The following LMF1 variants were observed in gnomAD, a reference collection of about 807,000 sequenced individuals.
LMF1 encodes the protein transmembrane protein 112.
LMF1 carries 68 observed loss-of-function variants against 60.6 expected under a neutral mutation model. That is an observed-to-expected ratio of 1.12 (90% CI 0.92 to 1.37). The LOEUF is 1.37. Ranked by LOEUF, LMF1 falls within the 40% of genes most tolerant of loss-of-function variation. The pLI, the probability that LMF1 is intolerant of heterozygous loss-of-function variation, is 0.00. For missense variants in LMF1, 948 were observed against 767.2 expected (o/e 1.24, Z -2.78); for synonymous variants, 418 against 324.7 (o/e 1.29, Z -3.09).
chr16:954,129 A>T (rs1392494751), intron 2 of LMF1: 1 of 664,152 alleles, frequency 1.5e-6, no homozygotes, highest in African/African-American at 1.8e-5. Flanking sequence ...CAGTCCTTTA[A>T]GTAAGGAAGA....
At chr16:940,813 G>A (rs1013831942) in intron 2 of LMF1, among the ~76,000 whole-genome samples, 2 of 152,168 alleles carry the variant, frequency 1.3e-5, no homozygotes, top group Non-Finnish European at 2.9e-5. Context: ...TGTCAAAGTG[G>A]CCGATAGTGC....
rs999499680 is a variant in LMF1 at position 962,415 on chromosome 16, A to G, written c.194-7749T>C. Among the ~76,000 whole-genome samples, 2 of 152,196 alleles carry G rather than the reference A, an allele frequency of 1.3e-5. No homozygotes were observed. The highest frequency in any genetic ancestry group is 2.4e-5 in the African/African-American group (1 of 41,424). On this transcript the variant is annotated intron_variant, in intron 1 of 10. Transcript: ENST00000262301. The surrounding 1 kb of genome is among the most constrained non-coding windows in gnomAD (Gnocchi z 4.5). ...CCTTCAGGAGGCGGGGGCTGGACCC[A>G]GTGAGCGGCTTCCAGAGGACAGAGC...
chr16:902,962 G>A lies in LMF1; in HGVS notation c.663+7969C>T, dbSNP rs570323799. ...TGTGGTGGTGACCTCTGCACTGCCC[G>A]TGGGGACGCCTGTCTCTGCTGCGTG... On this transcript the variant is annotated intron_variant, in intron 4 of 10. Transcript: ENST00000262301. Among the ~76,000 whole-genome samples the A allele has an allele frequency of 2.2e-4, 15 of 68,404 alleles. No individual in the cohort carries two copies. In the East Asian group the frequency reaches 2.9e-3, roughly 13 times the overall value. The allele number at this position is 68,404 out of a possible 152,430, so 44.9% of individuals were successfully genotyped here.
intron 10 of LMF1, among the ~76,000 whole-genome samples, chr16:863,389 G>A (rs578191593): frequency 3.9e-5 from 6 of 152,240 alleles, no homozygotes; most frequent in African/African-American, 1.4e-4. Context: ...TGATCCACCC[G>A]CCTTGGCCTC....
rs529026728 is a variant in LMF1 at position 853,959 on chromosome 16, C to T, written c.*573G>A. 6.2e-4 allele frequency: 281 copies of T among 453,966 alleles called. No homozygotes were observed. The highest frequency in any genetic ancestry group is 4.0e-3 in the African/African-American group (198 of 50,064). 28.1% of individuals were successfully genotyped at this position (453,966 alleles called of 1,614,324 possible). On this transcript the variant is annotated 3_prime_UTR_variant, in exon 11 of 11. Transcript: ENST00000262301. Reference sequence around the variant, plus strand: ...TGTGTGGGATGCGTGTAGGCTGTGGCGGGGGTGGAGATGAGGGATAGGACA... The same window carrying T: ...TGTGTGGGATGCGTGTAGGCTGTGGTGGGGGTGGAGATGAGGGATAGGACA...
chr16:861,436 T>C (rs2069464252), intron 10 of LMF1, among the ~76,000 whole-genome samples: 2 of 149,188 alleles, frequency 1.3e-5, no homozygotes, highest in Non-Finnish European at 3.0e-5. Context: ...CAGCTCACTG[T>C]AACCTCTGCC....
chr16:954,781 T>G (rs2072630008), intron 1 of LMF1, 115 bp from the exon 2 acceptor site: 14 of 997,144 alleles, frequency 1.4e-5, no homozygotes, highest in Non-Finnish European at 1.9e-5. Flanking sequence ...AGAGTCTGGC[T>G]GACGGTTTGG....
chr16:875,639 G>T (rs759938300), intron 6 of LMF1, among the ~76,000 whole-genome samples: 11 of 152,276 alleles, frequency 7.2e-5, no homozygotes, highest in South Asian at 4.1e-4. Flanking sequence ...GGCCATGGAA[G>T]CGGGAGGTGG....
At chr16:914,211 G>A (rs2071203418) in intron 3 of LMF1, among the ~76,000 whole-genome samples, 1 of 151,996 alleles carries the variant, frequency 6.6e-6, no homozygotes, top group Admixed American at 6.5e-5. Flanking sequence ...TGCAACCTGG[G>A]CAGTCCCTGA....
At chr16:979,901 C>CT in intron 1 of LMF1, 1 of 386,132 alleles carries the variant, frequency 2.6e-6, no homozygotes, top group Non-Finnish European at 5.2e-6. Context: ...AGGCGATGCT[C>CT]TGAGGGCCAC....
At chr16:909,726 CG>C in intron 4 of LMF1, among the ~76,000 whole-genome samples, 1 of 152,302 alleles carries the variant, frequency 6.6e-6, no homozygotes, top group East Asian at 1.9e-4. Flanking sequence ...GCAGCTGCCC[CG>C]GGGGGACAGG....
At chr16:861,103 G>A (rs771237141) in intron 10 of LMF1, among the ~76,000 whole-genome samples, 3 of 151,982 alleles carry the variant, frequency 2.0e-5, no homozygotes, top group Non-Finnish European at 4.4e-5. Flanking sequence ...TCCAACCCAC[G>A]AACGCGGCCG....
chr16:898,302 A>C (rs974702665), intron 4 of LMF1, among the ~76,000 whole-genome samples: 5 of 126,380 alleles, frequency 4.0e-5, no homozygotes, highest in African/African-American at 7.1e-5. Flanking sequence ...TTCCTCCCCA[A>C]GCACCTGGAA....
At chr16:921,834 T>C (rs1372084462) in intron 3 of LMF1, among the ~76,000 whole-genome samples, 8 of 152,210 alleles carry the variant, frequency 5.3e-5, no homozygotes, top group African/African-American at 1.9e-4. Flanking sequence ...CGGGTTTTAC[T>C]ATACAATTCT....
At chr16:974,643 GC>G (rs1027665122), upstream of LMF1, among the ~76,000 whole-genome samples, 1 of 152,206 alleles carries the variant, frequency 6.6e-6, no homozygotes, top group Non-Finnish European at 1.5e-5. Context: ...CCCGGCCTGC[GC>G]CAGCACAGCC....
chr16:929,085 G>A lies in LMF1; in HGVS notation c.514+5159C>T, dbSNP rs990239496. Among the ~76,000 whole-genome samples the A allele has an allele frequency of 4.4e-4, 67 of 152,190 alleles. 1 individual carries two copies. The highest frequency in any genetic ancestry group is 1.6e-3 in the African/African-American group (66 of 41,550). ...TCACCACGAGTGTCTCCTTCCCCTG[G>A]TCACATCTCAGCGGCCAGTGGGGTC... is the stretch of plus-strand genomic sequence containing the variant. On this transcript the variant is annotated intron_variant, in intron 3 of 10. Transcript: ENST00000262301.
chr16:881,172 C>T (rs967507804), intron 5 of LMF1, among the ~76,000 whole-genome samples: 8 of 152,108 alleles, frequency 5.3e-5, no homozygotes, highest in African/African-American at 1.9e-4. Flanking sequence ...GTGTGGGAAG[C>T]GCAGGAGAGG....
At chr16:939,568 G>A (rs1411854966) in intron 2 of LMF1, among the ~76,000 whole-genome samples, 1 of 152,218 alleles carries the variant, frequency 6.6e-6, no homozygotes, top group East Asian at 1.9e-4. Context: ...CCAGTGCGTC[G>A]CTGAGACTGC....
chr16:973,563 G>A (rs571060707), upstream of LMF1, among the ~76,000 whole-genome samples: 3 of 152,288 alleles, frequency 2.0e-5, no homozygotes, highest in Non-Finnish European at 2.9e-5. Context: ...CCAGTGGTCC[G>A]GGGGTAGGAC....
Sources: gnomAD v4.1 joint callset for allele counts (sites outside exome capture counted in the v4.1 genomes callset) on GRCh38, gnomAD v4.1.1 for gene constraint, Gnocchi (gnomAD v3.1) non-coding constraint, MANE v1.5 for transcripts, NCBI Gene and HGNC (gene_info 2026-07-23, HGNC 2026-07-21) for gene names.